The following MCM5 variants were observed in gnomAD, a reference collection of about 807,000 sequenced individuals.
MCM5 encodes the protein minichromosome maintenance complex component 5.
A neutral mutation model predicts 79.9 loss-of-function variants in MCM5; 46 were observed. That is an observed-to-expected ratio of 0.58 (90% CI 0.45 to 0.74). The LOEUF (loss-of-function observed/expected upper bound fraction) is 0.74, where lower values mean the gene tolerates loss of function less well. Among genes scored for constraint, MCM5 ranks in the 30% least tolerant of loss-of-function variants. MCM5 has a pLI of 0.00. For synonymous variants in MCM5, 404 were observed against 390.5 expected (o/e 1.03, Z -0.41); for missense variants, 883 against 1,017.0 (o/e 0.87, Z 1.79).
intron 2 of MCM5, 104 bp from the exon 3 acceptor site, chr22:35,403,103 G>A: frequency 2.2e-6 from 3 of 1,364,824 alleles, no homozygotes; most frequent in Non-Finnish European, 3.1e-6. Flanking sequence ...AGGTCATGGT[G>A]GCTGTGGTGT....
the MCM5 span, among the ~76,000 whole-genome samples, chr22:35,438,856 T>TATCCATCCATCCATCC: frequency 1.5e-4 from 16 of 109,606 alleles, no homozygotes; most frequent in East Asian, 2.5e-3. Flanking sequence ...TCCACCCACA[T>TATCCATCCATCCATCC]ATCCATCCAT....
the MCM5 span, among the ~76,000 whole-genome samples, chr22:35,439,777 C>T: frequency 2.6e-5 from 4 of 152,316 alleles, no homozygotes; most frequent in African/African-American, 9.6e-5. Flanking sequence ...TTCTAAACAT[C>T]TCTGAACCCC....
chr22:35,416,202 G>A, intron 10 of MCM5, 137 bp from the exon 11 acceptor site: 2 of 955,948 alleles, frequency 2.1e-6, no homozygotes, highest in Non-Finnish European at 3.3e-6. Context: ...CATGATTAGA[G>A]GTGACCTGGT....
In MCM5 at chr22:35,416,191, C is replaced by G. The variant is rs563927470; in HGVS notation, c.1348-148C>G. The G allele has an allele frequency of 8.6e-4, 807 of 936,854 alleles. 14 individuals are homozygous for G. The South Asian group carries it at 0.012, about 14-fold the overall frequency. 58.0% of individuals were successfully genotyped at this position (936,854 alleles called of 1,614,324 possible). ...GAAAGGCAAGCCCACACAGTTGTTC[C>G]CATGATTAGAGGTGACCTGGTTGCT... On this transcript the variant is annotated intron_variant, in intron 10 of 16. Transcript: ENST00000216122.
At chr22:35,408,687 G>A in intron 6 of MCM5, 124 bp downstream of exon 6, 7 of 967,362 alleles carry the variant, frequency 7.2e-6, no homozygotes, top group Non-Finnish European at 1.1e-5. Context: ...GTGGCCAGTT[G>A]CAGAGCACCT....
chr22:35,424,218 A>G lies in MCM5; in HGVS notation c.2168A>G (p.His723Arg), dbSNP rs1421541758. Residue 723 changes from histidine (H) to arginine (R), a missense_variant, in exon 17 of 17, where the codon CAT becomes CGT. His to Arg is a conservative substitution (Grantham distance 29). Around this residue, in one of 3 missense-constraint regions of MCM5, gnomAD observed 426 missense variants for 482.3 expected, o/e 0.88. Coordinates refer to ENST00000216122, the MANE Select transcript of MCM5 (RefSeq NM_006739.4). ...ATGCTGCGGCGCGGCGAGATCCAGC[A>G]TCGCATGCAGCGCAAGGTTCTCTAC... is the stretch of plus-strand genomic sequence containing the variant. ...QLMLRRGEIQ[H>R]RMQRKVLYRL... The G allele has an allele frequency of 1.3e-6, 2 of 1,553,114 alleles. No homozygotes were observed. The highest frequency in any genetic ancestry group is 1.7e-6 in the Non-Finnish European group (2 of 1,147,926).
At chr22:35,446,256 C>T in the MCM5 span, among the ~76,000 whole-genome samples, 1 of 152,152 alleles carries the variant, frequency 6.6e-6, no homozygotes, top group Non-Finnish European at 1.5e-5. Flanking sequence ...AAGGGTATGT[C>T]AGGGTGTTGC....
rs1369081977 is a variant in MCM5, at chr22:35,416,744, T to C, written c.1520T>C (p.Met507Thr). ...AAGGGGGAGGACAACATTGACTTCATGCCCACCATCTTGTCGCGCTTCGAC... is the reference window on the plus strand; with the variant it reads ...AAGGGGGAGGACAACATTGACTTCACGCCCACCATCTTGTCGCGCTTCGAC... The part of the protein sequence containing the change: ...ETKGEDNIDF[M>T]PTILSRFDMI... Residue 507 changes from methionine (M) to threonine (T), a missense_variant, in exon 12 of 17, where the codon ATG becomes ACG. By Grantham distance (81) the Met-to-Thr change is moderately conservative. This residue lies in a region of MCM5 where 426 missense variants were observed against 482.3 expected (regional missense o/e 0.88). Transcript: ENST00000216122. The C allele has an allele frequency of 1.9e-6, 3 of 1,614,050 alleles. No individual in the cohort carries two copies. The highest frequency in any genetic ancestry group is 1.7e-5 in the Admixed American group (1 of 59,998).
Position 35,406,765 on chromosome 22 carries a change from AG to A in MCM5, c.596+41del, listed in dbSNP as rs771240981. ...CAGAGGGACTGTGGGAGGTGACCTG[AG>A]TGAAGATCAGAAAGGATGAGAACAA... is the stretch of plus-strand genomic sequence containing the variant. On this transcript the variant is annotated intron_variant, in intron 5 of 16. Coordinates refer to ENST00000216122, the MANE Select transcript of MCM5 (RefSeq NM_006739.4). 3 of 1,591,850 alleles carry A rather than the reference AG, an allele frequency of 1.9e-6. No homozygotes were observed. In the South Asian group the frequency reaches 3.3e-5, roughly 18 times the overall value.
chr22:35,405,336 C>A (rs888915086), intron 4 of MCM5, among the ~76,000 whole-genome samples: 7 of 151,734 alleles, frequency 4.6e-5, no homozygotes, highest in African/African-American at 9.7e-5. Context: ...ATAATTTGAT[C>A]TGGAACTATT....
chr22:35,454,887 G>C, the MCM5 span, among the ~76,000 whole-genome samples: 2,775 of 152,218 alleles, frequency 0.018, 78 homozygotes, highest in African/African-American at 0.063. Flanking sequence ...CTAGATGCCA[G>C]TAGCATCCTT....
rs762447743 is a variant in MCM5, at chr22:35,416,356, T to C, written c.1365T>C (p.Arg455=). 9.3e-6 allele frequency: 15 copies of C among 1,613,740 alleles called. No homozygotes were observed. Among genetic ancestry groups the C allele is most frequent in the Non-Finnish European group, 1.3e-5 (15 of 1,180,034 alleles). Residue 455 remains arginine, a synonymous_variant, in exon 11 of 17, where the codon CGT becomes CGC. Coordinates refer to ENST00000216122, the MANE Select transcript of MCM5 (RefSeq NM_006739.4). The stretch of plus-strand genomic sequence containing the variant: ...CCACTTAGATGCGAGAAGATGACCG[T>C]GTGGCAATCCACGAAGCCATGGAGC... ...DEFDKMREDD[R]VAIHEAMEQQ...
intron 5 of MCM5, among the ~76,000 whole-genome samples, chr22:35,407,329 T>C (rs924082719): frequency 6.6e-6 from 1 of 152,162 alleles, no homozygotes; most frequent in Non-Finnish European, 1.5e-5. Context: ...TTGACATCTC[T>C]CACTTGGAGA....
chr22:35,417,413 A>G (rs1388539364), intron 12 of MCM5, among the ~76,000 whole-genome samples: 3 of 152,204 alleles, frequency 2.0e-5, no homozygotes, highest in African/African-American at 7.2e-5. Context: ...ATAGACTCCT[A>G]TTGGCTTGGG....
chr22:35,427,953 T>A (rs1024090761), downstream of MCM5, among the ~76,000 whole-genome samples: 2 of 151,178 alleles, frequency 1.3e-5, no homozygotes, highest in Admixed American at 1.3e-4. Flanking sequence ...GGCAGGAGAA[T>A]CACTTGAGGC....
At chr22:35,442,400 C>T in the MCM5 span, among the ~76,000 whole-genome samples, 1 of 151,824 alleles carries the variant, frequency 6.6e-6, no homozygotes, top group East Asian at 1.9e-4. Context: ...TAAAATAGCA[C>T]ACATTTATTC....
intron 2 of MCM5, chr22:35,401,459 G>T (rs1219462747): frequency 2.1e-6 from 1 of 470,822 alleles, no homozygotes; most frequent in African/African-American, 2.0e-5. Context: ...CCTGGCTCCT[G>T]CTTCTAGGTG....
At chr22:35,429,978 G>A (rs937153772), downstream of MCM5, among the ~76,000 whole-genome samples, 9 of 152,148 alleles carry the variant, frequency 5.9e-5, no homozygotes, top group African/African-American at 2.2e-4. Flanking sequence ...AAAATGGGTC[G>A]GGCTTTTCTG....
chr22:35,400,521 AATCG>A lies in MCM5; in HGVS notation c.84_87del (p.Lys28AsnfsTer78). On this transcript the variant is annotated frameshift_variant, in exon 2 of 17. Transcript: ENST00000216122. LOFTEE classifies it high-confidence loss of function. ...CAGGCCGACGAGGGGCAGGCCCGCA[AATCG>A]CAGCTGCAGAGGCGCTTCAAGGAGT... 1 of 1,614,094 alleles carries A rather than the reference AATCG, an allele frequency of 6.2e-7. No homozygotes were observed. The highest frequency in any genetic ancestry group is 8.5e-7 in the Non-Finnish European group (1 of 1,179,972).
Sources: gnomAD v4.1 joint callset for allele counts (sites outside exome capture counted in the v4.1 genomes callset) on GRCh38, gnomAD v4.1.1 for gene constraint, gnomAD v4.1.1 regional missense constraint, MANE v1.5 for transcripts, NCBI Gene and HGNC (gene_info 2026-07-23, HGNC 2026-07-21) for gene names.